Variants in ADGRG7 observed in about 807,000 individuals in gnomAD.
ADGRG7 encodes the protein G-protein coupled receptor 128.
A neutral mutation model predicts 88.6 loss-of-function variants in ADGRG7; 82 were observed. That is an observed-to-expected ratio of 0.93 (90% CI 0.77 to 1.11). ADGRG7 has a LOEUF of 1.11. Among genes scored for constraint, ADGRG7 ranks in the 50% most tolerant of loss-of-function variants. The pLI, the probability that ADGRG7 is intolerant of heterozygous loss-of-function variation, is 0.00. For missense variants in ADGRG7, 945 were observed against 953.4 expected, an observed-to-expected ratio of 0.99 and a Z score of 0.12; for synonymous variants, 381 against 345.2, an observed-to-expected ratio of 1.10 and a Z score of -1.15.
chr3:100,687,494 T>C (rs900161354), intron 15 of ADGRG7, among the ~76,000 whole-genome samples: 7 of 152,182 alleles, frequency 4.6e-5, no homozygotes, highest in Non-Finnish European at 1.0e-4. Context: ...GCCCATTCAG[T>C]ATGATATTGG....
chr3:100,691,736 T>C (rs2094994223), intron 15 of ADGRG7, among the ~76,000 whole-genome samples: 1 of 151,266 alleles, frequency 6.6e-6, no homozygotes, highest in Non-Finnish European at 1.5e-5. Flanking sequence ...ACTTTCATTC[T>C]AGCCTTATTA....
intron 14 of ADGRG7, among the ~76,000 whole-genome samples, chr3:100,662,175 G>A (rs1401094677): frequency 6.6e-6 from 1 of 152,082 alleles, no homozygotes; most frequent in African/African-American, 2.4e-5. Context: ...GGGGGAAACA[G>A]CCAAATTTAA....
intron 8 of ADGRG7, among the ~76,000 whole-genome samples, chr3:100,644,387 A>G (rs1707703636): frequency 6.6e-6 from 1 of 152,184 alleles, no homozygotes; most frequent in African/African-American, 2.4e-5. Context: ...GATGGTAGAG[A>G]CTAGATCTAA....
intron 3 of ADGRG7, among the ~76,000 whole-genome samples, chr3:100,631,976 C>A (rs927014438): frequency 6.6e-6 from 1 of 151,980 alleles, no homozygotes; most frequent in Non-Finnish European, 1.5e-5. Context: ...TTACTCACAG[C>A]GTAAAAGGGG....
intron 1 of ADGRG7, among the ~76,000 whole-genome samples, chr3:100,624,946 G>A (rs1472576268): frequency 6.6e-6 from 1 of 152,180 alleles, no homozygotes; most frequent in Admixed American, 6.5e-5. Flanking sequence ...TAGCCTTGTA[G>A]TATAGTTTGA....
intron 11 of ADGRG7, among the ~76,000 whole-genome samples, chr3:100,651,078 C>T (rs1180276878): frequency 4.6e-5 from 7 of 152,188 alleles, no homozygotes; most frequent in Non-Finnish European, 8.8e-5. Context: ...GAATTGTTTT[C>T]GATTCCTTTT....
intron 6 of ADGRG7, among the ~76,000 whole-genome samples, chr3:100,641,258 A>G (rs1707637876): frequency 6.6e-6 from 1 of 151,956 alleles, no homozygotes; most frequent in African/African-American, 2.4e-5. Flanking sequence ...ATATAAACAA[A>G]GTTTAGGGAA....
chr3:100,615,787 C>T (rs538630601), intron 1 of ADGRG7, among the ~76,000 whole-genome samples: 1 of 152,196 alleles, frequency 6.6e-6, no homozygotes, highest in African/African-American at 2.4e-5. Flanking sequence ...GTAAAGTCAA[C>T]CATATGAGGG....
Position 100,668,930 on chromosome 3 carries a change from C to T in ADGRG7, c.1980-19C>T. ...AACCCTAATGAACCACATTATTTTTCTTGTTTTCTTTCACCTAGCACAAAA... is the reference window on the plus strand; with the variant it reads ...AACCCTAATGAACCACATTATTTTTTTTGTTTTCTTTCACCTAGCACAAAA... On this transcript the variant is annotated intron_variant, in intron 14 of 15. Coordinates refer to ENST00000273352, the MANE Select transcript of ADGRG7 (RefSeq NM_032787.3). 1 of 1,553,600 alleles carries T rather than the reference C, an allele frequency of 6.4e-7. No individual in the cohort carries two copies. Among genetic ancestry groups the T allele is most frequent in the Admixed American group, 1.9e-5 (1 of 51,326 alleles).
At chr3:100,650,641 G>T (rs1165264) in intron 11 of ADGRG7, among the ~76,000 whole-genome samples, 5 of 151,946 alleles carry the variant, frequency 3.3e-5, no homozygotes, top group Non-Finnish European at 7.4e-5. Flanking sequence ...CAAGAAGTGC[G>T]TATCAGTATG....
chr3:100,674,660 C>T (rs962052523), intron 15 of ADGRG7, among the ~76,000 whole-genome samples: 22 of 151,652 alleles, frequency 1.5e-4, no homozygotes, highest in African/African-American at 5.3e-4. Context: ...TCACTGCAAC[C>T]TCCACCTCCC....
chr3:100,690,922 G>A (rs1361160859), intron 15 of ADGRG7, among the ~76,000 whole-genome samples: 2 of 152,242 alleles, frequency 1.3e-5, no homozygotes, highest in Non-Finnish European at 2.9e-5. Flanking sequence ...TAAGTCTGCA[G>A]AGGTTACTGC....
At chr3:100,629,174 T>A (rs1472440967) in intron 1 of ADGRG7, among the ~76,000 whole-genome samples, 1 of 152,168 alleles carries the variant, frequency 6.6e-6, no homozygotes, top group Admixed American at 6.5e-5. Flanking sequence ...CCAGTCCACA[T>A]ACTATCTCTT....
intron 14 of ADGRG7, among the ~76,000 whole-genome samples, chr3:100,667,644 CAT>C (rs2094953563): frequency 6.6e-6 from 1 of 152,168 alleles, no homozygotes; most frequent in African/African-American, 2.4e-5. Flanking sequence ...CATACGTGTG[CAT>C]ATGTCTTTAT....
In ADGRG7 at chr3:100,655,799, A is replaced by T. The variant is rs942966855; in HGVS notation, c.1727-100A>T. The T allele has an allele frequency of 6.9e-6, 5 of 725,172 alleles. No homozygotes were observed. In the Admixed American group the frequency reaches 8.1e-5, roughly 12 times the overall value. The allele number at this position is 725,172 out of a possible 1,614,324, so 44.9% of individuals were successfully genotyped here. ...ATATTGTCCATAGTGAAAACAACAT[A>T]CATCCTGAAGAGGGTCAGATGTATA... On this transcript the variant is annotated intron_variant, in intron 12 of 15. Transcript: ENST00000273352.
Position 100,655,013 on chromosome 3 carries a change from A to G in ADGRG7, c.1558A>G (p.Asn520Asp), listed in dbSNP as rs1161026269. 1 of 1,614,156 alleles carries G rather than the reference A, an allele frequency of 6.2e-7. No individual in the cohort carries two copies. Among genetic ancestry groups the G allele is most frequent in the South Asian group, 1.1e-5 (1 of 91,074 alleles). The part of the protein sequence containing the change: ...NNDIPRTDTI[N>D]IPNPMCTAIA... ...TGACATACCCAGGACAGACACCATT[A>G]ACATCCCGAATCCCATGTGCACTGC... The change falls in exon 12 of 16, where the codon AAC becomes GAC. Residue 520 changes from asparagine to aspartate, a missense_variant. Physicochemically the swap from Asn to Asp is conservative, Grantham distance 23. Coordinates refer to ENST00000273352, the MANE Select transcript of ADGRG7 (RefSeq NM_032787.3).
intron 1 of ADGRG7, among the ~76,000 whole-genome samples, chr3:100,628,515 C>T (rs1707414285): frequency 6.6e-6 from 1 of 152,038 alleles, no homozygotes; most frequent in Non-Finnish European, 1.5e-5. Flanking sequence ...GGCACCACCA[C>T]ACCAGGTTAA....
chr3:100,611,603 C>A (rs1445344432), intron 1 of ADGRG7, among the ~76,000 whole-genome samples: 1 of 152,062 alleles, frequency 6.6e-6, no homozygotes, highest in Non-Finnish European at 1.5e-5. Flanking sequence ...ATAAAGATCC[C>A]ATGTCTAACA....
chr3:100,685,653 C>A (rs530205861), intron 15 of ADGRG7, among the ~76,000 whole-genome samples: 286 of 152,200 alleles, frequency 1.9e-3, no homozygotes, highest in African/African-American at 6.6e-3. Flanking sequence ...CGATAGTTTG[C>A]TGAGAATGAT....
Sources: gnomAD v4.1 joint callset for allele counts (sites outside exome capture counted in the v4.1 genomes callset) on GRCh38, gnomAD v4.1.1 for gene constraint, MANE v1.5 for transcripts, NCBI Gene and HGNC (gene_info 2026-07-23, HGNC 2026-07-21) for gene names.